PNKP: variants seen among roughly 807,000 people sequenced by gnomAD.
PNKP encodes bifunctional polynucleotide phosphatase/kinase.
A neutral mutation model predicts 66.2 loss-of-function variants in PNKP; 82 were observed. The observed-to-expected ratio is 1.24, with a 90% CI of 1.04 to 1.49. The LOEUF (loss-of-function observed/expected upper bound fraction) is 1.49. Among genes scored for constraint, PNKP ranks in the 40% most tolerant of loss-of-function variants. The pLI, the probability that PNKP is intolerant of heterozygous loss-of-function variation, is 0.00. For missense variants in PNKP, 907 were observed against 706.8 expected (o/e 1.28, Z -3.21); for synonymous variants, 412 against 298.9 (o/e 1.38, Z -3.90).
At chr19:49,861,937 C>T (rs1198588509) in intron 13 of PNKP, 56 bp from the exon 14 acceptor site, 8 of 1,579,102 alleles carry the variant, frequency 5.1e-6, no homozygotes, top group African/African-American at 1.3e-5. Flanking sequence ...GAGAAGACCC[C>T]GAGCGGGGAC....
Position 49,861,783 on chromosome 19 carries a change from C to CGCG in PNKP, c.1284_1286dup (p.Ala429dup). ...CGCGGTCACGCTACCTGGCGCGGCT[C>CGCG]GCGGCGTCTGGGTTTGTGTTGTCGA... On this transcript the variant is annotated inframe_insertion, in exon 14 of 17. Transcript: ENST00000322344. 1 of 1,565,958 alleles carries CGCG rather than the reference C, an allele frequency of 6.4e-7. No homozygotes were observed.
intron 8 of PNKP, among the ~76,000 whole-genome samples, chr19:49,863,367 C>A (rs577489296): frequency 6.6e-6 from 1 of 152,356 alleles, no homozygotes; most frequent in African/African-American, 2.4e-5. Flanking sequence ...CGCCTAGAGT[C>A]ACCGCCCTCG....
At position 49,865,429 on chromosome 19, in the gene PNKP, G is replaced by A; in HGVS notation, c.199-3C>T. The A allele has an allele frequency of 6.3e-7, 1 of 1,596,784 alleles. No homozygotes were observed. Among genetic ancestry groups the A allele is most frequent in the Non-Finnish European group, 8.5e-7 (1 of 1,170,960 alleles). On this transcript the variant is annotated splice_polypyrimidine_tract_variant and splice_region_variant and intron_variant, in intron 3 of 16. Transcript: ENST00000322344. ...GTAGTTGAGGGGTTAACTCCCAGCT[G>A]CAGAAAGAGAGGGAGGAGCTGGGAC...
intron 11 of PNKP, 21 bp from the exon 12 acceptor site, chr19:49,862,302 G>A (rs775317085): frequency 5.1e-6 from 8 of 1,553,994 alleles, no homozygotes; most frequent in South Asian, 4.7e-5. Flanking sequence ...CGGGGGACAC[G>A]CGTGAGATGC....
chr19:49,861,931 A>AGACCCCGAGCGGGGAC (rs2074771778), intron 13 of PNKP, 50 bp from the exon 14 acceptor site: 1 of 1,576,138 alleles, frequency 6.3e-7, no homozygotes, highest in Non-Finnish European at 8.7e-7. Context: ...GGGGGAGAGA[A>AGACCCCGAGCGGGGAC]GACCCCGAGC....
At chr19:49,866,219 C>A (rs2074818650) in intron 3 of PNKP, 180 bp downstream of exon 3, 2 of 693,130 alleles carry the variant, frequency 2.9e-6, no homozygotes, top group Non-Finnish European at 5.3e-6. Context: ...AGGCTGGTCT[C>A]GAACTCCTGG....
At chr19:49,861,387 AG>A (rs759984042) in intron 16 of PNKP, 22 bp from the exon 17 acceptor site, 8 of 1,613,854 alleles carry the variant, frequency 5.0e-6, no homozygotes, top group Non-Finnish European at 6.8e-6. Context: ...GGGAACAGTG[AG>A]GGACAGCCTG....
At position 49,865,268 on chromosome 19, in the gene PNKP, C is replaced by G. The variant is rs766826936; in HGVS notation, c.357G>C (p.Pro119=). ...TRTPESQPDT[P]PGTPLVSQDE... is the part of the protein sequence containing the mutation. ...CTTGGGACACCAGAGGGGTGCCAGG[C>G]GGAGTATCTGGCTGGGATTCTGGTG... Residue 119 remains proline (P), a synonymous_variant, in exon 4 of 17, where the codon CCG becomes CCC. Coordinates refer to ENST00000322344, the MANE Select transcript of PNKP (RefSeq NM_007254.4). 6.2e-7 allele frequency: 1 copy of G among 1,614,208 alleles called. No homozygotes were observed. The highest frequency in any genetic ancestry group is 2.2e-5 in the East Asian group (1 of 44,884).
intron 7 of PNKP, 62 bp from the exon 8 acceptor site, chr19:49,863,822 C>T: frequency 6.8e-7 from 1 of 1,476,572 alleles, no homozygotes; most frequent in Non-Finnish European, 9.3e-7. Flanking sequence ...GATGCCACCC[C>T]AGCCCAGAAT....
At chr19:49,863,079 C>T (rs1032229117) in intron 8 of PNKP, among the ~76,000 whole-genome samples, 4 of 152,220 alleles carry the variant, frequency 2.6e-5, no homozygotes, top group African/African-American at 9.6e-5. Context: ...CTCCCTGTGG[C>T]CCTGCCCTCT....
At chr19:49,865,451 G>A in intron 3 of PNKP, 25 bp from the exon 4 acceptor site, 1 of 1,560,246 alleles carries the variant, frequency 6.4e-7, no homozygotes, top group Non-Finnish European at 8.7e-7. Context: ...GGAGGAGCTG[G>A]GACTGGCTCC....
rs1055603577 is a variant in PNKP, at chr19:49,861,804, G to T, written c.1266C>A (p.Asp422Glu). The change falls in exon 14 of 17, where the codon GAC (aspartate) becomes GAA (glutamate). Residue 422 changes from aspartate to glutamate, a missense_variant. By Grantham distance (45) the Asp-to-Glu change is conservative (BLOSUM62 2). Coordinates refer to ENST00000322344, the MANE Select transcript of PNKP (RefSeq NM_007254.4). ...ALKQGKRVAIDNTNPDAASRA... is the reference protein window; with the variant it reads ...ALKQGKRVAIENTNPDAASRA... ...GGCTCGCGGCGTCTGGGTTTGTGTT[G>T]TCGATGGCGACCCGTTTCCCTTGCT... is the stretch of plus-strand genomic sequence containing the variant. 6.3e-7 allele frequency: 1 copy of T among 1,577,482 alleles called. No homozygotes were observed.
rs776788871 is a variant in PNKP, at chr19:49,862,068, C to T, written c.1164G>A (p.Ser388=). 12 of 1,614,122 alleles carry T rather than the reference C, an allele frequency of 7.4e-6. No individual in the cohort carries two copies. The South Asian group carries it at 1.3e-4, about 18-fold the overall frequency. ...KSTFLKKHLV[S]AGYVHVNRDT... ...CCCTGTTCACGTGGACATATCCGGC[C>T]GACACGAGGTGCTTCTTGAGAAAGG... The change falls in exon 13 of 17, where the codon TCG becomes TCA. Residue 388 remains serine, a synonymous_variant. Transcript: ENST00000322344.
chr19:49,863,294 C>A (rs977376473), intron 8 of PNKP, among the ~76,000 whole-genome samples: 1 of 152,184 alleles, frequency 6.6e-6, no homozygotes, highest in Non-Finnish European at 1.5e-5. Context: ...CTGCCCACCA[C>A]GGGTGATGCC....
At position 49,861,382 on chromosome 19, in the gene PNKP, CAGTG is replaced by C; in HGVS notation, c.1449-21_1449-18del. The C allele has an allele frequency of 2.5e-6, 4 of 1,613,916 alleles. No individual in the cohort carries two copies. The Middle Eastern group carries it at 6.6e-4, about 266-fold the overall frequency. On this transcript the variant is annotated intron_variant, in intron 16 of 16. Transcript: ENST00000322344. The stretch of plus-strand genomic sequence containing the variant: ...AACTGCTTCCTGGCAGTGGTGGGAA[CAGTG>C]AGGGACAGCCTGGATCATGTGGCCC...
rs1482043319 is a variant in PNKP at position 49,861,620 on chromosome 19, G to A, written c.1374C>T (p.Arg458=). Residue 458 remains arginine (R), a synonymous_variant, in exon 15 of 17, where the codon CGC becomes CGT. Coordinates refer to ENST00000322344, the MANE Select transcript of PNKP (RefSeq NM_007254.4). ...TGAGCGGGCTCACCCGGTTGTTGTG[G>A]CGCGCCTGCTCCAGAGTGGCGGTGA... ...FLFTATLEQA[R]HNNRFREMTD... is the part of the protein sequence containing the mutation. 7 of 1,556,108 alleles carry A rather than the reference G, an allele frequency of 4.5e-6. 1 individual carries two copies. In the South Asian group the frequency reaches 7.1e-5, roughly 16 times the overall value.
At chr19:49,866,711 G>T in intron 2 of PNKP, 2 of 607,064 alleles carry the variant, frequency 3.3e-6, no homozygotes, top group Non-Finnish European at 5.9e-6. Flanking sequence ...TAGGTCCGGG[G>T]CTTGGCCTGT....
chr19:49,863,634 A>G, intron 8 of PNKP, 55 bp downstream of exon 8: 1 of 1,353,104 alleles, frequency 7.4e-7, no homozygotes, highest in African/African-American at 1.4e-5. Flanking sequence ...GGAGCCCAGG[A>G]GTGAGGGGCT....
At chr19:49,866,700 A>G in intron 2 of PNKP, 3 of 619,964 alleles carry the variant, frequency 4.8e-6, no homozygotes, top group Non-Finnish European at 8.8e-6. Context: ...GTGGCTAGAT[A>G]TAGGTCCGGG....
Sources: gnomAD v4.1 joint callset for allele counts (sites outside exome capture counted in the v4.1 genomes callset) on GRCh38, gnomAD v4.1.1 for gene constraint, MANE v1.5 for transcripts, NCBI Gene and HGNC (gene_info 2026-07-23, HGNC 2026-07-21) for gene names.